ZNF568: variants seen among roughly 807,000 people sequenced by gnomAD.
ZNF568 encodes p53 inhibitor of SCO2 activation.
In ZNF568, 11 loss-of-function variants were observed where a neutral mutation model predicts 18.1. The ratio of observed to expected loss-of-function variants is 0.61; its 90% CI spans 0.38 to 1.00. The LOEUF is 1.00. ZNF568 is among the 50% of genes least tolerant of loss of function. The pLI is 0.01. For missense variants in ZNF568, 639 were observed against 768.2 expected (o/e 0.83, Z 1.99); for synonymous variants, 213 against 246.6 (o/e 0.86, Z 1.28).
At chr19:36,956,008 A>T (rs912006065), downstream of ZNF568, among the ~76,000 whole-genome samples, 2 of 152,182 alleles carry the variant, frequency 1.3e-5, no homozygotes, top group Non-Finnish European at 2.9e-5. Context: ...TGAGATGAGG[A>T]TTCCTATGCA....
intron 4 of ZNF568, 116 bp from the exon 5 acceptor site, chr19:36,936,630 T>C: frequency 1.0e-6 from 1 of 958,836 alleles, no homozygotes. Context: ...TTCTCTCTTC[T>C]TCTTCTAGTA....
At chr19:36,979,047 G>A (rs973117936) in exon 8 of ZNF568, 17 of 314,482 alleles carry the variant, frequency 5.4e-5, no homozygotes, top group Non-Finnish European at 9.7e-5. Context: ...GCAATGGCGC[G>A]ATCTCAGCTC....
chr19:36,957,219 C>CTTTTTT (rs56712509), downstream of ZNF568, among the ~76,000 whole-genome samples: 2 of 69,562 alleles, frequency 2.9e-5, no homozygotes, highest in African/African-American at 1.0e-4. Context: ...CCAGACTGTT[C>CTTTTTT]TTTTTTTTTT....
intron 6 of ZNF568, among the ~76,000 whole-genome samples, chr19:36,963,705 A>G (rs2074172069): frequency 6.6e-6 from 1 of 152,056 alleles, no homozygotes; most frequent in Non-Finnish European, 1.5e-5. Context: ...ACAGTGGCTC[A>G]CAGCTGTAAT....
At chr19:36,988,103 C>A (rs1022819490) in intron 2 of ZNF568, among the ~76,000 whole-genome samples, 4 of 151,570 alleles carry the variant, frequency 2.6e-5, no homozygotes, top group African/African-American at 9.7e-5. Context: ...TGAATGCATT[C>A]TTTCATTTTT....
At chr19:36,923,926 C>G (rs896950736) in intron 3 of ZNF568, among the ~76,000 whole-genome samples, 1 of 152,030 alleles carries the variant, frequency 6.6e-6, no homozygotes, top group Non-Finnish European at 1.5e-5. Context: ...CTTTAGCTTC[C>G]CACATTTTGT....
chr19:36,997,811 T>C, downstream of ZNF568: 1 of 548,806 alleles, frequency 1.8e-6, no homozygotes, highest in Non-Finnish European at 3.2e-6. Context: ...TGAGACACCT[T>C]ATAAATGTTA....
chr19:36,982,592 G>A (rs1043741717), downstream of ZNF568, among the ~76,000 whole-genome samples: 3 of 152,104 alleles, frequency 2.0e-5, no homozygotes, highest in African/African-American at 4.8e-5. Flanking sequence ...TGTAATCCTA[G>A]CTATTTGGAA....
At chr19:36,971,832 T>C (rs2547054) in intron 6 of ZNF568, among the ~76,000 whole-genome samples, 84,702 of 149,474 alleles carry the variant, frequency 0.57, 24,699 homozygotes, top group African/African-American at 0.7. Context: ...CCACTGCGCC[T>C]GACCTATTTA....
rs112556685 is a variant in ZNF568 at position 36,977,343 on chromosome 19, G to T, written c.406-1661G>T. 8.7e-3 allele frequency among the ~76,000 whole-genome samples: 1,327 copies of T among 152,204 alleles called. 24 individuals are homozygous for T. Among genetic ancestry groups the T allele is most frequent in the African/African-American group, 0.031 (1,281 of 41,524 alleles). On this transcript the variant is annotated intron_variant, in intron 7 of 7. Coordinates refer to the ZNF568 transcript ENST00000427117. ...TGGAGTGTTTATTTAGATTTTTTATGCAACTTTGGAGTAATATATTTTAAA... is the reference window on the plus strand; with the variant it reads ...TGGAGTGTTTATTTAGATTTTTTATTCAACTTTGGAGTAATATATTTTAAA...
At chr19:36,964,018 G>C (rs1164415548) in intron 6 of ZNF568, among the ~76,000 whole-genome samples, 1 of 149,708 alleles carries the variant, frequency 6.7e-6, no homozygotes, top group African/African-American at 2.5e-5. Flanking sequence ...GAGGGAGGGA[G>C]GAAGGAAGGA....
Position 36,922,721 on chromosome 19 carries a change from AGT to A in ZNF568, c.-49_-48del, listed in dbSNP as rs751071933. The A allele has an allele frequency of 2.7e-5, 41 of 1,545,006 alleles. 1 individual carries two copies. In the South Asian group the frequency reaches 4.2e-4, roughly 16 times the overall value. On this transcript the variant is annotated 5_prime_UTR_variant, in exon 3 of 7. It adds an upstream start codon to the 5' untranslated region. Transcript: ENST00000333987. ...AGTCCTGAAAGAGAGTGGACCCTGG[AGT>A]TGCTGGAGCTTGTCTTGACCCTTCT...
chr19:36,946,633 T>C (rs1164964041), intron 6 of ZNF568, among the ~76,000 whole-genome samples: 1 of 138,866 alleles, frequency 7.2e-6, no homozygotes, highest in Non-Finnish European at 1.5e-5. Flanking sequence ...AATTTTTTAG[T>C]TTTTTTTTTT....
chr19:36,948,552 G>C (rs542555343), intron 6 of ZNF568, among the ~76,000 whole-genome samples: 1 of 151,874 alleles, frequency 6.6e-6, no homozygotes, highest in African/African-American at 2.4e-5. Flanking sequence ...CTTCCAAAGT[G>C]GCTGTACCAT....
At chr19:36,918,792 AC>A (rs1568376722) in intron 2 of ZNF568, among the ~76,000 whole-genome samples, 1 of 151,806 alleles carries the variant, frequency 6.6e-6, no homozygotes, top group Non-Finnish European at 1.5e-5. Flanking sequence ...ATAACTCTGT[AC>A]CCCCCTTTCC....
intron 6 of ZNF568, among the ~76,000 whole-genome samples, chr19:36,943,910 A>C (rs2073922449): frequency 6.6e-6 from 1 of 152,112 alleles, no homozygotes; most frequent in Non-Finnish European, 1.5e-5. Context: ...CTTGAGCAAG[A>C]GGGATCTTTA....
chr19:36,950,726 A>G lies in ZNF568; in HGVS notation c.1573A>G (p.Thr525Ala), dbSNP rs371748363. 7 of 1,613,636 alleles carry G rather than the reference A, an allele frequency of 4.3e-6. No homozygotes were observed. Among genetic ancestry groups the G allele is most frequent in the African/African-American group, 1.3e-5 (1 of 74,916 alleles). Reference protein sequence around the residue: ...SNLTEHEKIHTGEKPYHCNQC... With the variant: ...SNLTEHEKIHAGEKPYHCNQC... Reference sequence around the variant, plus strand: ...CCTCACTGAACATGAGAAAATTCATACTGGAGAGAAACCTTATCATTGTAA... The same window carrying G: ...CCTCACTGAACATGAGAAAATTCATGCTGGAGAGAAACCTTATCATTGTAA... The change falls in exon 7 of 7, where the codon ACT becomes GCT. Residue 525 changes from threonine to alanine, a missense_variant. Thr to Ala is a moderately conservative substitution (Grantham distance 58). Transcript: ENST00000333987.
chr19:36,995,811 T>C (rs963257290), intron 4 of ZNF568, among the ~76,000 whole-genome samples: 6 of 152,230 alleles, frequency 3.9e-5, no homozygotes, highest in Non-Finnish European at 8.8e-5. Context: ...ATAAATACTT[T>C]GCTCCAAAAT....
chr19:36,941,124 C>T (rs2073872741), intron 6 of ZNF568, among the ~76,000 whole-genome samples: 1 of 152,062 alleles, frequency 6.6e-6, no homozygotes, highest in East Asian at 1.9e-4. Flanking sequence ...AGCAAGGTTA[C>T]AATGGTCAAT....
Sources: allele counts gnomAD v4.1 joint callset (sites outside exome capture counted in the v4.1 genomes callset), GRCh38; gene constraint gnomAD v4.1.1; transcripts MANE v1.5; gene names NCBI Gene and HGNC (gene_info 2026-07-23, HGNC 2026-07-21).